The following SPOCK3 variants were observed in gnomAD, a reference collection of about 807,000 sequenced individuals.
SPOCK3 encodes the protein SPARC (osteonectin), cwcv and kazal like domains proteoglycan 3.
A neutral mutation model predicts 56.6 loss-of-function variants in SPOCK3; 30 were observed. The ratio of observed to expected loss-of-function variants is 0.53; its 90% CI spans 0.40 to 0.72. The LOEUF (loss-of-function observed/expected upper bound fraction) is 0.72, where lower values mean the gene tolerates loss of function less well. Among genes scored for constraint, SPOCK3 ranks in the 30% least tolerant of loss-of-function variants. SPOCK3 has a pLI of 0.00. For synonymous variants in SPOCK3, 196 were observed against 183.3 expected, an observed-to-expected ratio of 1.07 and a Z score of -0.56; for missense variants, 527 against 530.0, an observed-to-expected ratio of 0.99 and a Z score of 0.06.
At chr4:166,922,501 T>C (rs1483994521) in intron 4 of SPOCK3, among the ~76,000 whole-genome samples, 1 of 152,192 alleles carries the variant, frequency 6.6e-6, no homozygotes, top group Non-Finnish European at 1.5e-5. Flanking sequence ...ATCACCTATA[T>C]AGTCATCTTT....
At chr4:167,001,883 T>A (rs1425006438) in intron 3 of SPOCK3, among the ~76,000 whole-genome samples, 1 of 152,204 alleles carries the variant, frequency 6.6e-6, no homozygotes, top group African/African-American at 2.4e-5. Flanking sequence ...CTCAAGCTGA[T>A]TCTTAAGCAT....
chr4:166,805,633 G>A (rs1175488577), intron 6 of SPOCK3, among the ~76,000 whole-genome samples: 1 of 152,020 alleles, frequency 6.6e-6, no homozygotes, highest in African/African-American at 2.4e-5. Context: ...GCCAAGAACT[G>A]CTTTTACTTC....
chr4:167,130,351 G>GT (rs1190086119), intron 2 of SPOCK3, among the ~76,000 whole-genome samples: 6 of 152,088 alleles, frequency 3.9e-5, no homozygotes, highest in East Asian at 3.9e-4. Flanking sequence ...AAAATTTGGA[G>GT]TTTTTTTATT....
chr4:166,752,972 A>G (rs1736397135), intron 8 of SPOCK3, among the ~76,000 whole-genome samples: 1 of 93,140 alleles, frequency 1.1e-5, no homozygotes, highest in South Asian at 4.3e-4. Context: ...TGGCTATATA[A>G]AAATTAACAC....
chr4:167,207,369 G>C (rs748898923), intron 2 of SPOCK3, among the ~76,000 whole-genome samples: 9 of 151,528 alleles, frequency 5.9e-5, no homozygotes, highest in Non-Finnish European at 8.8e-5. Context: ...ATTTTAGAAA[G>C]ATTATATATT....
At chr4:167,025,153 T>C (rs1751582932) in intron 3 of SPOCK3, among the ~76,000 whole-genome samples, 1 of 151,620 alleles carries the variant, frequency 6.6e-6, no homozygotes, top group African/African-American at 2.4e-5. Flanking sequence ...TTCTATCATT[T>C]TCTGCTCATG....
At chr4:166,811,620 C>T (rs1167953668) in intron 6 of SPOCK3, among the ~76,000 whole-genome samples, 2 of 151,778 alleles carry the variant, frequency 1.3e-5, no homozygotes. Context: ...GAATGCTCCT[C>T]AGAGATCAGT....
intron 4 of SPOCK3, among the ~76,000 whole-genome samples, chr4:166,991,365 A>ATTTATTTC (rs1183102975): frequency 6.7e-6 from 1 of 149,980 alleles, no homozygotes; most frequent in Non-Finnish European, 1.5e-5. Flanking sequence ...TTATTTATTT[A>ATTTATTTC]TTTATTTATT....
At chr4:167,124,020 C>T (rs1198872734) in intron 2 of SPOCK3, among the ~76,000 whole-genome samples, 2 of 152,162 alleles carry the variant, frequency 1.3e-5, no homozygotes, top group African/African-American at 4.8e-5. Flanking sequence ...GCTGGGATTA[C>T]AGGCCTGAGC....
chr4:167,071,387 C>T (rs1756662363), intron 2 of SPOCK3, among the ~76,000 whole-genome samples: 1 of 151,960 alleles, frequency 6.6e-6, no homozygotes, highest in South Asian at 2.1e-4. Flanking sequence ...CTATCCCTCC[C>T]CTAGCCCCCC....
At chr4:166,823,208 G>A (rs1215008419) in intron 6 of SPOCK3, among the ~76,000 whole-genome samples, 2 of 151,970 alleles carry the variant, frequency 1.3e-5, no homozygotes, top group Non-Finnish European at 2.9e-5. Context: ...CGGAATGTGA[G>A]TCAAAGTGAT....
intron 3 of SPOCK3, among the ~76,000 whole-genome samples, chr4:167,053,907 C>T (rs538736992): frequency 5.9e-5 from 9 of 152,046 alleles, no homozygotes; most frequent in Non-Finnish European, 8.8e-5. Flanking sequence ...AGGAGAAACA[C>T]ATCAAAAAAT....
chr4:167,099,020 C>T (rs1759407404), intron 2 of SPOCK3, among the ~76,000 whole-genome samples: 1 of 151,944 alleles, frequency 6.6e-6, no homozygotes, highest in Admixed American at 6.6e-5. Flanking sequence ...AGCATCTAAT[C>T]CATCTTCATA....
chr4:166,912,272 ATAAT>A (rs1396465141), intron 5 of SPOCK3, among the ~76,000 whole-genome samples: 1 of 152,218 alleles, frequency 6.6e-6, no homozygotes, highest in Non-Finnish European at 1.5e-5. Context: ...AGATTAAAAA[ATAAT>A]TCTAATGACA....
chr4:166,954,884 T>A (rs990227842), intron 4 of SPOCK3, among the ~76,000 whole-genome samples: 1 of 152,194 alleles, frequency 6.6e-6, no homozygotes, highest in Non-Finnish European at 1.5e-5. Flanking sequence ...CCTTCCTGAA[T>A]ATCCCATGTC....
At chr4:166,883,755 C>T (rs138450678) in intron 6 of SPOCK3, among the ~76,000 whole-genome samples, 1 of 152,158 alleles carries the variant, frequency 6.6e-6, no homozygotes, top group Non-Finnish European at 1.5e-5. Flanking sequence ...ATTAAAACTG[C>T]TTTCTTTTAA....
At chr4:166,744,392 C>T (rs557755520) in intron 8 of SPOCK3, among the ~76,000 whole-genome samples, 365 of 152,216 alleles carry the variant, frequency 2.4e-3, no homozygotes, top group Non-Finnish European at 4.4e-3. Context: ...CTCTGAGGGT[C>T]CTGACTGTTG....
chr4:167,102,515 C>T (rs935909011), intron 2 of SPOCK3: 2 of 152,220 alleles, frequency 1.3e-5, no homozygotes, highest in Non-Finnish European at 2.9e-5. Flanking sequence ...CTACTCCTCC[C>T]CCATCCTCAA....
rs1487806293 is a variant in SPOCK3, at chr4:166,760,942, T to C, written c.710-6213A>G. Among the ~76,000 whole-genome samples, 2 of 33,290 alleles carry C rather than the reference T, an allele frequency of 6.0e-5. 1 individual carries two copies. The allele number at this position is 33,290 out of a possible 152,430, so 21.8% of individuals were successfully genotyped here. A position where few individuals can be genotyped will look rare whatever the true frequency, so the allele number is the denominator to read the frequency against. On this transcript the variant is annotated intron_variant, in intron 7 of 10. Coordinates refer to ENST00000357545, the MANE Select transcript of SPOCK3 (RefSeq NM_001040159.2). ...TTCTGCACAGCAAAAGAAACTACCA[T>C]CAGAGTGAACAGGCAACCTACATCA...
Sources: allele counts gnomAD v4.1 joint callset (sites outside exome capture counted in the v4.1 genomes callset), GRCh38; gene constraint gnomAD v4.1.1; transcripts MANE v1.5; gene names NCBI Gene and HGNC (gene_info 2026-07-23, HGNC 2026-07-21).